The following PARP10 variants were observed in gnomAD, a reference collection of about 807,000 sequenced individuals.
PARP10 encodes the protein protein mono-ADP-ribosyltransferase PARP10.
In PARP10, 56 loss-of-function variants were observed where a neutral mutation model predicts 82.4. That is an observed-to-expected ratio of 0.68 (90% CI 0.55 to 0.85). The LOEUF (loss-of-function observed/expected upper bound fraction) is 0.85. Ranked by LOEUF, PARP10 falls within the 40% of genes least tolerant of loss-of-function variation. PARP10 has a pLI of 0.00. For missense variants in PARP10, 1,227 were observed against 1,379.4 expected (o/e 0.89, Z 1.75); for synonymous variants, 576 against 601.1 (o/e 0.96, Z 0.61).
upstream of PARP10, chr8:143,991,013 G>A (rs921924550): frequency 3.0e-5 from 12 of 395,010 alleles, no homozygotes; most frequent in African/African-American, 2.3e-4. Flanking sequence ...GCCCCACGGC[G>A]CCGCCCGTCC....
chr8:143,988,350 C>A (rs1260567533), upstream of PARP10, among the ~76,000 whole-genome samples: 5 of 112,014 alleles, frequency 4.5e-5, no homozygotes, highest in African/African-American at 1.4e-4. Context: ...GGGTTTCACC[C>A]TATTGGGCAG....
upstream of PARP10, chr8:143,991,306 C>T: frequency 7.0e-7 from 1 of 1,421,010 alleles, no homozygotes; most frequent in Non-Finnish European, 9.6e-7. Flanking sequence ...CCCCAGCCAC[C>T]CATGCCCCCC....
At chr8:143,993,951 C>T (rs180708278), upstream of PARP10, among the ~76,000 whole-genome samples, 1 of 152,216 alleles carries the variant, frequency 6.6e-6, no homozygotes, top group African/African-American at 2.4e-5. Flanking sequence ...TGCCCAGGCC[C>T]GGTCCTTTGG....
upstream of PARP10, chr8:143,986,497 G>A (rs1833994736): frequency 1.4e-5 from 20 of 1,404,550 alleles, no homozygotes; most frequent in Non-Finnish European, 1.9e-5. Context: ...GAGCAGCTGG[G>A]CCCTGGGCGC....
chr8:143,990,056 A>C (rs1293014277), upstream of PARP10: 1 of 132,890 alleles, frequency 7.5e-6, no homozygotes, highest in Non-Finnish European at 1.6e-5. This position sits in a 1 kb window ranked among gnomAD's most constrained non-coding sequence, Gnocchi z 5.6. Flanking sequence ...CCGCCCCGTC[A>C]CAAGGCCCCG....
intron 1 of PARP10, among the ~76,000 whole-genome samples, chr8:144,003,647 A>G (rs1218494432): frequency 1.3e-5 from 2 of 152,100 alleles, no homozygotes; most frequent in African/African-American, 4.8e-5. Flanking sequence ...GATAAAAATC[A>G]GGTTGGAGAA....
intron 1 of PARP10, among the ~76,000 whole-genome samples, chr8:144,004,899 C>T (rs941196788): frequency 3.9e-5 from 6 of 152,098 alleles, no homozygotes; most frequent in African/African-American, 1.2e-4. Context: ...TACCAAGAGT[C>T]CGGGCACGGT....
intron 9 of PARP10, among the ~76,000 whole-genome samples, chr8:143,982,586 C>G (rs542000105): frequency 6.6e-6 from 1 of 152,220 alleles, no homozygotes; most frequent in African/African-American, 2.4e-5. Context: ...ATCTGTGGAG[C>G]GAGTAATCCT....
chr8:144,000,016 T>C (rs1365734335), intron 1 of PARP10, among the ~76,000 whole-genome samples: 1 of 152,118 alleles, frequency 6.6e-6, no homozygotes, highest in East Asian at 1.9e-4. Context: ...ACGCTTGAAA[T>C]GTTTCCAAAA....
intron 9 of PARP10, among the ~76,000 whole-genome samples, chr8:143,980,319 CA>C (rs564801582): frequency 0.014 from 220 of 16,064 alleles, no homozygotes; most frequent in Non-Finnish European, 0.019. Flanking sequence ...GATTCCGTCT[CA>C]AAAAAAAAAA....
Position 143,985,239 on chromosome 8 carries a change from G to C in PARP10, c.763C>G (p.Leu255Val). ...TCCCCTCCACTGGTGTTCTCAGCCA[G>C]CTCCTCGGGCTCCAGGATGTCGTAG... Reference protein sequence around the residue: ...PHYDILEPEELAENTSGGDHP... With the variant: ...PHYDILEPEEVAENTSGGDHP... The change falls in exon 5 of 11, where the codon CTG becomes GTG. Residue 255 changes from leucine to valine, a missense_variant. Transcript: ENST00000313028. The C allele has an allele frequency of 6.2e-7, 1 of 1,614,044 alleles. No homozygotes were observed. The highest frequency in any genetic ancestry group is 8.5e-7 in the Non-Finnish European group (1 of 1,180,004).
chr8:143,983,425 G>C lies in PARP10; in HGVS notation c.2164C>G (p.Leu722Val), dbSNP rs374418571. 6.2e-7 allele frequency: 1 copy of C among 1,604,898 alleles called. No individual in the cohort carries two copies. The highest frequency in any genetic ancestry group is 1.3e-5 in the African/African-American group (1 of 75,052). ...HSAFEQDVEE[L>V]DRALRAALEV... is the part of the protein sequence containing the mutation. ...AAGGCAGCCCTGAGCGCCCGGTCCA[G>C]CTCCTCCACATCCTGCTCAAAGGCC... The change falls in exon 8 of 11, where the codon CTG becomes GTG. Residue 722 changes from leucine (L) to valine (V), a missense_variant. By Grantham distance (32) the Leu-to-Val change is conservative (BLOSUM62 1). Transcript: ENST00000313028.
At chr8:143,996,084 C>T (rs191754946), upstream of PARP10, among the ~76,000 whole-genome samples, 1 of 152,272 alleles carries the variant, frequency 6.6e-6, no homozygotes, top group Non-Finnish European at 1.5e-5. Flanking sequence ...TGTAAGAAGT[C>T]CTTTCCAGCA....
At chr8:143,992,909 G>T (rs770966708), upstream of PARP10, 215 of 1,389,246 alleles carry the variant, frequency 1.5e-4, no homozygotes, top group Non-Finnish European at 1.8e-4. Context: ...TGGCACGGCA[G>T]TGCCAGCTGT....
Position 143,983,323 on chromosome 8 carries a change from G to C in PARP10, c.2266C>G (p.Arg756Gly). ...AGGGCAACACTCACACCATGGCACCGCTCCAGGCGAGCACGCAGCTCTGCA... is the reference window on the plus strand; with the variant it reads ...AGGGCAACACTCACACCATGGCACCCCTCCAGGCGAGCACGCAGCTCTGCA... ...LPAELRARLE[R>G]CHGVSVALRG... The change falls in exon 8 of 11, where the codon CGG becomes GGG. Residue 756 changes from arginine (R) to glycine (G), a missense_variant. By Grantham distance (125) the Arg-to-Gly change is moderately radical (BLOSUM62 -2). Coordinates refer to ENST00000313028, the MANE Select transcript of PARP10 (RefSeq NM_032789.5). 2 of 1,611,460 alleles carry C rather than the reference G, an allele frequency of 1.2e-6. No individual in the cohort carries two copies. The highest frequency in any genetic ancestry group is 1.7e-6 in the Non-Finnish European group (2 of 1,179,476).
At chr8:143,980,171 T>A (rs1403278280) in intron 9 of PARP10, among the ~76,000 whole-genome samples, 3 of 148,672 alleles carry the variant, frequency 2.0e-5, no homozygotes, top group African/African-American at 7.5e-5. Flanking sequence ...AATACAAAAA[T>A]AAGCTGGGCG....
intron 9 of PARP10, among the ~76,000 whole-genome samples, chr8:143,980,995 A>G (rs1351533203): frequency 1.3e-5 from 2 of 152,036 alleles, no homozygotes; most frequent in African/African-American, 2.4e-5. Context: ...AGCGAGGCCC[A>G]TTCTCCTCAT....
At chr8:144,001,598 C>T (rs568814369) in intron 1 of PARP10, among the ~76,000 whole-genome samples, 2 of 152,038 alleles carry the variant, frequency 1.3e-5, no homozygotes, top group South Asian at 4.2e-4. Context: ...CCCAGCTACT[C>T]GGGAGGCTGA....
intron 9 of PARP10, among the ~76,000 whole-genome samples, chr8:143,981,388 G>C (rs1217830191): frequency 3.8e-5 from 3 of 78,688 alleles, no homozygotes; most frequent in Non-Finnish European, 5.4e-5. Context: ...TGGTGAAGGT[G>C]ATGGTGATGA....
Sources: allele counts gnomAD v4.1 joint callset (sites outside exome capture counted in the v4.1 genomes callset), GRCh38; gene constraint gnomAD v4.1.1; non-coding constraint Gnocchi (gnomAD v3.1); transcripts MANE v1.5; gene names NCBI Gene and HGNC (gene_info 2026-07-23, HGNC 2026-07-21).